Variants in CLASRP observed in about 807,000 individuals in gnomAD.
CLASRP encodes the protein CLK4 associating serine/arginine rich protein.
A neutral mutation model predicts 99.9 loss-of-function variants in CLASRP; 52 were observed. That is an observed-to-expected ratio of 0.52 (90% confidence interval 0.42 to 0.66). The LOEUF (loss-of-function observed/expected upper bound fraction) is 0.66, where lower values mean the gene tolerates loss of function less well. Among genes scored for constraint, CLASRP ranks in the 30% least tolerant of loss-of-function variants. The pLI is 0.00. For missense variants in CLASRP, 848 were observed against 999.2 expected, an observed-to-expected ratio of 0.85 and a Z score of 2.04; for synonymous variants, 379 against 373.0, an observed-to-expected ratio of 1.02 and a Z score of -0.18.
chr19:45,049,193 C>G (rs1971976881), intron 2 of CLASRP, among the ~76,000 whole-genome samples: 1 of 152,142 alleles, frequency 6.6e-6, no homozygotes, highest in Admixed American at 6.6e-5. Context: ...TTCCCTGTAC[C>G]TGCCAAATTC....
intron 2 of CLASRP, among the ~76,000 whole-genome samples, chr19:45,044,445 C>G (rs1457771305): frequency 1.3e-5 from 2 of 152,114 alleles, no homozygotes; most frequent in East Asian, 3.8e-4. Context: ...AAAACTGGAG[C>G]ACGGAGATAC....
Position 45,068,069 on chromosome 19 carries a change from G to T in CLASRP, c.1707+15G>T. ...GAGCTGCCAAAGTCAGTAAGAATTT[G>T]GAACTCGCCCGTCTAATTCCCGTCA... On this transcript the variant is annotated intron_variant, in intron 15 of 20. Coordinates refer to ENST00000221455, the MANE Select transcript of CLASRP (RefSeq NM_007056.3). 6.2e-7 allele frequency: 1 copy of T among 1,613,418 alleles called. No homozygotes were observed. Among genetic ancestry groups the T allele is most frequent in the Non-Finnish European group, 8.5e-7 (1 of 1,179,412 alleles).
At chr19:45,041,458 A>G (rs1200449925) in intron 2 of CLASRP, among the ~76,000 whole-genome samples, 2 of 151,948 alleles carry the variant, frequency 1.3e-5, no homozygotes, top group African/African-American at 2.4e-5. Context: ...CCCCTCACCT[A>G]TTTAACTCCT....
intron 2 of CLASRP, among the ~76,000 whole-genome samples, chr19:45,046,446 G>A (rs759394225): frequency 4.7e-4 from 72 of 152,178 alleles, no homozygotes; most frequent in Non-Finnish European, 4.6e-4. Context: ...CAGCTCAGGC[G>A]TCGCCTCCTC....
intron 11 of CLASRP, 85 bp from the exon 12 acceptor site, chr19:45,063,927 G>T (rs886752219): frequency 2.7e-6 from 4 of 1,483,544 alleles, no homozygotes; most frequent in Admixed American, 4.6e-5. Context: ...GCCCGCGCTG[G>T]CGCTGCTGTT....
intron 15 of CLASRP, 107 bp from the exon 16 acceptor site, chr19:45,068,313 C>T (rs1967142238): frequency 4.8e-6 from 3 of 624,738 alleles, no homozygotes; most frequent in Middle Eastern, 8.8e-4. Flanking sequence ...CGTCGTTCTC[C>T]CCCCCCCACC....
rs372632801 is a variant in CLASRP at position 45,055,757 on chromosome 19, T to C, written c.380-693T>C. On this transcript the variant is annotated intron_variant, in intron 5 of 20. Coordinates refer to ENST00000221455, the MANE Select transcript of CLASRP (RefSeq NM_007056.3). ...CTGAGGCAGGAGAATCGCTTGAACC[T>C]GGGAGGCGGAGGTTGCGGTGAGCCA... 3.7e-3 allele frequency among the ~76,000 whole-genome samples: 564 copies of C among 152,096 alleles called. 2 individuals carry two copies. The highest frequency in any genetic ancestry group is 0.013 in the African/African-American group (536 of 41,480).
rs1244638630 is a variant in CLASRP at position 45,064,600 on chromosome 19, G to T, written c.1379G>T (p.Arg460Leu). ...GHRYSRSPAR[R>L]GGYGPRRRSR... ...CGGTACTCCCGCTCGCCCGCCCGGC[G>T]TGGTGGTTACGGGCCCCGGCGCAGA... Residue 460 changes from arginine to leucine, a missense_variant, in exon 13 of 21, where the codon CGT becomes CTT. Physicochemically the swap from Arg to Leu is moderately radical, Grantham distance 102. Transcript: ENST00000221455. The T allele has an allele frequency of 2.6e-6, 4 of 1,551,986 alleles. No homozygotes were observed. The highest frequency in any genetic ancestry group is 2.3e-5 in the South Asian group (2 of 85,196).
Position 45,064,239 on chromosome 19 carries a change from T to G in CLASRP, c.1121+12T>G. 2 of 1,573,972 alleles carry G rather than the reference T, an allele frequency of 1.3e-6. No homozygotes were observed. Among genetic ancestry groups the G allele is most frequent in the Non-Finnish European group, 1.7e-6 (2 of 1,162,146 alleles). On this transcript the variant is annotated intron_variant, in intron 12 of 20. Coordinates refer to ENST00000221455, the MANE Select transcript of CLASRP (RefSeq NM_007056.3). ...AATGCCAGCGCCCGGTCGGTAACGC[T>G]CACGCCGCCCGCCCTACGCCCCGGT...
chr19:45,060,318 G>T lies in CLASRP; in HGVS notation c.711-71G>T. ...ACTCAGGTCCCTCACTTTCTCTGAT[G>T]ACTCAGTCTGTGTCCTCCTTACCCT... On this transcript the variant is annotated intron_variant, in intron 8 of 20. Coordinates refer to ENST00000221455, the MANE Select transcript of CLASRP (RefSeq NM_007056.3). This position sits in a 1 kb window ranked among gnomAD's most constrained non-coding sequence, Gnocchi z 4.6. The T allele has an allele frequency of 1.4e-6, 2 of 1,398,916 alleles. No individual in the cohort carries two copies. Among genetic ancestry groups the T allele is most frequent in the South Asian group, 2.3e-5 (2 of 86,106 alleles). The allele number at this position is 1,398,916 out of a possible 1,614,324, so 86.7% of individuals were successfully genotyped here.
chr19:45,052,812 C>G lies in CLASRP; in HGVS notation c.219C>G (p.Thr73=), dbSNP rs1215778003. Residue 73 remains threonine (T), a synonymous_variant, in exon 4 of 21, where the codon ACC becomes ACG. Coordinates refer to ENST00000221455, the MANE Select transcript of CLASRP (RefSeq NM_007056.3). ...PVNMMPWQGD[T]NNMIDRFDVR... ...TCAGGATGCCCTGGCAGGGGGACAC[C>G]AACAACATGATTGACCGATTCGATG... The G allele has an allele frequency of 6.2e-7, 1 of 1,612,434 alleles. No individual in the cohort carries two copies. Among genetic ancestry groups the G allele is most frequent in the Admixed American group, 1.7e-5 (1 of 59,532 alleles).
At chr19:45,065,915 G>A (rs547783958) in intron 13 of CLASRP, among the ~76,000 whole-genome samples, 12 of 152,270 alleles carry the variant, frequency 7.9e-5, no homozygotes, top group Admixed American at 2.6e-4. Context: ...CATTACCTGC[G>A]TTATTGTAGC....
intron 2 of CLASRP, among the ~76,000 whole-genome samples, chr19:45,049,392 CA>C (rs1302454102): frequency 6.6e-6 from 1 of 152,196 alleles, no homozygotes; most frequent in African/African-American, 2.4e-5. Flanking sequence ...AGGCGAGGTG[CA>C]GCATGAGTAG....
intron 10 of CLASRP, among the ~76,000 whole-genome samples, chr19:45,061,232 T>C (rs1966931731): frequency 6.6e-6 from 1 of 152,178 alleles, no homozygotes; most frequent in South Asian, 2.1e-4. Context: ...CTGTAAGGCT[T>C]AAACAACTTG....
chr19:45,042,383 A>G (rs1324739934), intron 2 of CLASRP, among the ~76,000 whole-genome samples: 1 of 151,990 alleles, frequency 6.6e-6, no homozygotes, highest in Non-Finnish European at 1.5e-5. Context: ...GGGCAGTAAT[A>G]CAGGAGTAAA....
chr19:45,070,204 C>T (rs1313768133), intron 19 of CLASRP, 100 bp downstream of exon 19: 15 of 786,236 alleles, frequency 1.9e-5, no homozygotes, highest in Middle Eastern at 2.3e-4. Flanking sequence ...CGGTGGCTCA[C>T]GCCTGTAATC....
In CLASRP at chr19:45,064,620, C is replaced by A; in HGVS notation, c.1399C>A (p.Arg467Ser). The change falls in exon 13 of 21, where the codon CGC becomes AGC. Residue 467 changes from arginine to serine, a missense_variant. Physicochemically the swap from Arg to Ser is moderately radical, Grantham distance 110. This residue lies in a region of CLASRP where 489 missense variants were observed against 434.7 expected (regional missense o/e 1.12). Transcript: ENST00000221455. ...PARRGGYGPR[R>S]RSRSRSHSGD... Reference sequence around the variant, plus strand: ...CCGGCGTGGTGGTTACGGGCCCCGGCGCAGAAGCAGGTGTGTGTGGCTGGG... The same window carrying A: ...CCGGCGTGGTGGTTACGGGCCCCGGAGCAGAAGCAGGTGTGTGTGGCTGGG... 6.4e-7 allele frequency: 1 copy of A among 1,551,090 alleles called. No individual in the cohort carries two copies. Among genetic ancestry groups the A allele is most frequent in the Non-Finnish European group, 8.7e-7 (1 of 1,154,604 alleles).
chr19:45,053,298 G>A, intron 5 of CLASRP, 121 bp downstream of exon 5: 1 of 898,830 alleles, frequency 1.1e-6, no homozygotes, highest in Middle Eastern at 2.3e-4. Flanking sequence ...TTGGGTTCCG[G>A]CTCCAGCTCT....
At chr19:45,054,135 G>A (rs973452457) in intron 5 of CLASRP, among the ~76,000 whole-genome samples, 6 of 152,260 alleles carry the variant, frequency 3.9e-5, no homozygotes, top group African/African-American at 1.4e-4. Context: ...GAAACTTCTC[G>A]CTGCTCTGGG....
Sources: allele counts gnomAD v4.1 joint callset (sites outside exome capture counted in the v4.1 genomes callset), GRCh38; gene constraint gnomAD v4.1.1; regional missense constraint gnomAD v4.1.1; non-coding constraint Gnocchi (gnomAD v3.1); transcripts MANE v1.5; gene names NCBI Gene and HGNC (gene_info 2026-07-23, HGNC 2026-07-21).